TBC1D1: variants seen among roughly 807,000 people sequenced by gnomAD.
The protein encoded by TBC1D1 is TBC1 (tre-2/USP6, BUB2, cdc16) domain family, member 1.
In TBC1D1, 89 loss-of-function variants were observed where a neutral mutation model predicts 125.6. That is an observed-to-expected ratio of 0.71 (90% CI 0.60 to 0.85). The LOEUF (loss-of-function observed/expected upper bound fraction) is 0.85. Ranked by LOEUF, TBC1D1 falls within the 40% of genes least tolerant of loss-of-function variation. TBC1D1 has a pLI of 0.00. For synonymous variants in TBC1D1, 565 were observed against 564.1 expected (o/e 1.00, Z -0.02); for missense variants, 1,377 against 1,469.2 (o/e 0.94, Z 1.03).
chr4:37,900,405 ATCTT>A (rs201087458), intron 1 of TBC1D1, among the ~76,000 whole-genome samples: 12,279 of 89,006 alleles, frequency 0.14, 606 homozygotes, highest in South Asian at 0.21. Context: ...CAAAGGAAAT[ATCTT>A]TTTTTTTTTT....
At chr4:37,931,460 C>T (rs11942956) in intron 2 of TBC1D1, among the ~76,000 whole-genome samples, 2,338 of 152,106 alleles carry the variant, frequency 0.015, 74 homozygotes, top group African/African-American at 0.053. Flanking sequence ...ACTGTTATCC[C>T]CACCGTTCCC....
At chr4:38,020,011 C>A (rs1048980201) in intron 4 of TBC1D1, among the ~76,000 whole-genome samples, 9 of 152,066 alleles carry the variant, frequency 5.9e-5, no homozygotes, top group African/African-American at 2.2e-4. Flanking sequence ...ATGTCTCAAA[C>A]AAAACAACAA....
chr4:38,029,005 T>C, intron 7 of TBC1D1, among the ~76,000 whole-genome samples: 1 of 152,210 alleles, frequency 6.6e-6, no homozygotes, highest in Non-Finnish European at 1.5e-5. Context: ...AAGCTAGCTC[T>C]TGCCCTTGCA....
rs943961272 is a variant in TBC1D1, at chr4:37,995,530, G to C, written c.418-18979G>C. Reference sequence around the variant, plus strand: ...ATGGTTTCTCTTCACCTTTTGGGTTGCGGTTTTCTCCAGGTTGGTGCTGAT... The same window carrying C: ...ATGGTTTCTCTTCACCTTTTGGGTTCCGGTTTTCTCCAGGTTGGTGCTGAT... On this transcript the variant is annotated intron_variant, in intron 2 of 19. Transcript: ENST00000261439. This position sits in a 1 kb window ranked among gnomAD's most constrained non-coding sequence, Gnocchi z 4.3. 1 of 353,102 alleles carries C rather than the reference G, an allele frequency of 2.8e-6. No homozygotes were observed. Among genetic ancestry groups the C allele is most frequent in the Non-Finnish European group, 5.6e-6 (1 of 178,180 alleles). 21.9% of individuals were successfully genotyped at this position (353,102 alleles called of 1,614,324 possible). A position where few individuals can be genotyped will look rare whatever the true frequency, so the allele number is the denominator to read the frequency against.
At position 38,064,821 on chromosome 4, in the gene TBC1D1, C is replaced by T. The variant is rs1312202544; in HGVS notation, c.2050+10483C>T. On this transcript the variant is annotated intron_variant, in intron 12 of 19. Transcript: ENST00000261439. ...TGTGTTTTTAGTAGAGACGGGGTTT[C>T]ACCACGTTGACCAGGATGGTCTTCA... 2.0e-5 allele frequency among the ~76,000 whole-genome samples: 3 copies of T among 151,816 alleles called. No homozygotes were observed. In the East Asian group the frequency reaches 5.8e-4, roughly 29 times the overall value.
At chr4:38,032,242 T>C (rs535257281) in intron 7 of TBC1D1, among the ~76,000 whole-genome samples, 4 of 152,212 alleles carry the variant, frequency 2.6e-5, no homozygotes, top group African/African-American at 9.6e-5. Flanking sequence ...TCGCTTGAAC[T>C]TGGGAAGCAG....
At chr4:37,897,690 C>A (rs1714952505) in intron 1 of TBC1D1, among the ~76,000 whole-genome samples, 1 of 152,204 alleles carries the variant, frequency 6.6e-6, no homozygotes, top group Non-Finnish European at 1.5e-5. Flanking sequence ...ATAACTGCAT[C>A]ATCTAAAATA....
intron 2 of TBC1D1, chr4:37,960,776 A>C: frequency 1.2e-6 from 2 of 1,614,204 alleles, no homozygotes; most frequent in Non-Finnish European, 1.7e-6. Context: ...ATCCAGAAAT[A>C]GAAAAATTCT....
At chr4:38,056,960 G>A (rs890730528) in intron 12 of TBC1D1, among the ~76,000 whole-genome samples, 1 of 152,182 alleles carries the variant, frequency 6.6e-6, no homozygotes, top group African/African-American at 2.4e-5. Context: ...TGCCTGTCAA[G>A]TGGACAAACA....
At chr4:38,096,533 C>G (rs1759371286) in intron 14 of TBC1D1, among the ~76,000 whole-genome samples, 1 of 152,190 alleles carries the variant, frequency 6.6e-6, no homozygotes, top group South Asian at 2.1e-4. Context: ...ATGCCTCACC[C>G]TCTCTGAGCT....
Position 37,995,487 on chromosome 4 carries a change from C to G in TBC1D1, c.418-19022C>G, listed in dbSNP as rs1737594069. ...ATAGATCATTTGTTTTCCTTCCAGC[C>G]CTGGGCTCAGTACACAGATGGTTTC... On this transcript the variant is annotated intron_variant, in intron 2 of 19. Transcript: ENST00000261439. This position sits in a 1 kb window ranked among gnomAD's most constrained non-coding sequence, Gnocchi z 4.3. 1 of 253,458 alleles carries G rather than the reference C, an allele frequency of 3.9e-6. No homozygotes were observed. Among genetic ancestry groups the G allele is most frequent in the Admixed American group, 4.7e-5 (1 of 21,476 alleles). 15.7% of individuals were successfully genotyped at this position (253,458 alleles called of 1,614,324 possible).
intron 12 of TBC1D1, among the ~76,000 whole-genome samples, chr4:38,079,963 A>G (rs1054225306): frequency 6.6e-6 from 1 of 152,268 alleles, no homozygotes; most frequent in Non-Finnish European, 1.5e-5. Context: ...TGTGTGCATT[A>G]GAATTTCCCA....
chr4:38,046,098 C>T (rs1405448933), intron 10 of TBC1D1, among the ~76,000 whole-genome samples, 195 bp downstream of exon 10: 1 of 152,160 alleles, frequency 6.6e-6, no homozygotes, highest in Non-Finnish European at 1.5e-5. Flanking sequence ...GGTGCAGTGG[C>T]TCAACGCCTG....
intron 15 of TBC1D1, among the ~76,000 whole-genome samples, chr4:38,104,455 C>T (rs1760918244): frequency 6.6e-6 from 1 of 152,244 alleles, no homozygotes; most frequent in Non-Finnish European, 1.5e-5. Flanking sequence ...TGCCGCCTAT[C>T]ACCCAAGCTG....
chr4:37,935,125 G>A (rs1187165912), intron 2 of TBC1D1, among the ~76,000 whole-genome samples: 1 of 152,140 alleles, frequency 6.6e-6, no homozygotes, highest in African/African-American at 2.4e-5. Context: ...TAACAGGGTG[G>A]CAAAAATCTA....
intron 1 of TBC1D1, among the ~76,000 whole-genome samples, chr4:37,900,993 AC>A (rs1338406730): frequency 2.0e-5 from 3 of 149,622 alleles, no homozygotes; most frequent in Non-Finnish European, 4.5e-5. Context: ...AATTGCTTGA[AC>A]CCAGGGGGTG....
intron 2 of TBC1D1, chr4:37,952,413 T>C (rs1243770142): frequency 3.2e-6 from 1 of 313,582 alleles, no homozygotes; most frequent in Non-Finnish European, 6.2e-6. Context: ...ATAAAGAAAA[T>C]GTGGTACATA....
At chr4:38,051,874 C>T (rs752418532) in intron 11 of TBC1D1, 25 bp from the exon 12 acceptor site, 22 of 1,544,400 alleles carry the variant, frequency 1.4e-5, no homozygotes, top group Middle Eastern at 1.7e-4. Context: ...CTAACCCCCC[C>T]GTGCTTTCTC....
intron 12 of TBC1D1, among the ~76,000 whole-genome samples, chr4:38,088,714 T>C (rs2152536942): frequency 6.6e-6 from 1 of 152,272 alleles, no homozygotes; most frequent in South Asian, 2.1e-4. Context: ...TAACTCAGTC[T>C]CTTTACCACC....
Sources: allele counts gnomAD v4.1 joint callset (sites outside exome capture counted in the v4.1 genomes callset), GRCh38; gene constraint gnomAD v4.1.1; non-coding constraint Gnocchi (gnomAD v3.1); transcripts MANE v1.5; gene names NCBI Gene and HGNC (gene_info 2026-07-23, HGNC 2026-07-21).